PPP1R16A: variants seen among roughly 807,000 people sequenced by gnomAD.
The protein encoded by PPP1R16A is myosin phosphatase-targeting subunit 3.
Under a neutral mutation model 46.6 loss-of-function variants are expected in PPP1R16A, and 39 were observed. The ratio of observed to expected loss-of-function variants is 0.84; its 90% CI spans 0.65 to 1.09. PPP1R16A has a LOEUF of 1.09. Among genes scored for constraint, PPP1R16A ranks in the 50% least tolerant of loss-of-function variants. The probability of loss-of-function intolerance (pLI) is 0.00; values close to 1 mark genes in which losing one functional copy is unlikely to be tolerated. For synonymous variants in PPP1R16A, 413 were observed against 321.5 expected, an observed-to-expected ratio of 1.28 and a Z score of -3.04; for missense variants, 798 against 735.6, an observed-to-expected ratio of 1.08 and a Z score of -0.98.
At chr8:144,489,503 C>T (rs1281300373) in intron 1 of PPP1R16A, among the ~76,000 whole-genome samples, 2 of 152,090 alleles carry the variant, frequency 1.3e-5, no homozygotes, top group East Asian at 1.9e-4. Context: ...CACCACTTCC[C>T]CTAAACTGCT....
chr8:144,490,462 T>C (rs1271621304), intron 2 of PPP1R16A, among the ~76,000 whole-genome samples: 3 of 151,304 alleles, frequency 2.0e-5, no homozygotes, highest in Non-Finnish European at 4.4e-5. Flanking sequence ...GCCAAGATCA[T>C]GCCACTGCAC....
chr8:144,501,509 A>ACTGCCCGCAGGAGGACAACC lies in PPP1R16A; in HGVS notation c.1204-9_1214dup. On this transcript the variant is annotated splice_polypyrimidine_tract_variant and intron_variant, in intron 11 of 11. Transcript: ENST00000435887. Reference sequence around the variant, plus strand: ...GCCTCCTGATGGCTCTGGGACCTTCACTGCCCGCAGGAGGACAACCCCGAA... The same window carrying ACTGCCCGCAGGAGGACAACC: ...GCCTCCTGATGGCTCTGGGACCTTCACTGCCCGCAGGAGGACAACCCTGCCCGCAGGAGGACAACCCCGAA... The ACTGCCCGCAGGAGGACAACC allele has an allele frequency of 6.5e-7, 1 of 1,531,068 alleles. No individual in the cohort carries two copies. Among genetic ancestry groups the ACTGCCCGCAGGAGGACAACC allele is most frequent in the Non-Finnish European group, 8.8e-7 (1 of 1,137,196 alleles). The allele number at this position is 1,531,068 out of a possible 1,614,324, so 94.8% of individuals were successfully genotyped here. A position where few individuals can be genotyped will look rare whatever the true frequency, so the allele number is the denominator to read the frequency against.
chr8:144,497,941 T>C (rs1313643552), intron 3 of PPP1R16A: 1 of 421,820 alleles, frequency 2.4e-6, no homozygotes, highest in Admixed American at 2.5e-5. Flanking sequence ...TCTCAGTGCC[T>C]GCCCTAGGCT....
intron 1 of PPP1R16A, among the ~76,000 whole-genome samples, chr8:144,487,260 G>A (rs952279396): frequency 8.5e-5 from 13 of 152,266 alleles, no homozygotes; most frequent in East Asian, 1.9e-4. Flanking sequence ...GATTACAGGC[G>A]TAAGTCACTG....
chr8:144,495,355 A>G (rs370942990), intron 2 of PPP1R16A: 24 of 152,250 alleles, frequency 1.6e-4, no homozygotes, highest in African/African-American at 4.1e-4. Flanking sequence ...CAGTGTGTAG[A>G]TGGCCATGAG....
chr8:144,484,919 A>G (rs1410845264), intron 1 of PPP1R16A, among the ~76,000 whole-genome samples: 1 of 152,210 alleles, frequency 6.6e-6, no homozygotes. Flanking sequence ...TTTCAATTTC[A>G]TATGGTTCTG....
chr8:144,480,852 G>C (rs1415556073), intron 1 of PPP1R16A, among the ~76,000 whole-genome samples: 1 of 151,736 alleles, frequency 6.6e-6, no homozygotes, highest in Non-Finnish European at 1.5e-5. Context: ...TATTTTAATG[G>C]GTTTTGTGTG....
rs1163348878 is a variant in PPP1R16A at position 144,497,313 on chromosome 8, C to T, written c.119C>T (p.Ala40Val). The change falls in exon 3 of 12, where the codon GCT becomes GTT. Residue 40 changes from alanine (A) to valine (V), a missense_variant. Coordinates refer to ENST00000435887, the MANE Select transcript of PPP1R16A (RefSeq NM_001329443.2). ...CAGCAGGTGAAGATGTGGGCCCAGG[C>T]TGAGAAGGAGGCCCAGGGCAAGAAG... ...RAQQVKMWAQ[A>V]EKEAQGKKGP... is the part of the protein sequence containing the mutation. 1 of 1,612,430 alleles carries T rather than the reference C, an allele frequency of 6.2e-7. No homozygotes were observed. Among genetic ancestry groups the T allele is most frequent in the Non-Finnish European group, 8.5e-7 (1 of 1,179,820 alleles).
At chr8:144,498,747 C>T in intron 3 of PPP1R16A, 23 bp from the exon 4 acceptor site, 1 of 1,561,072 alleles carries the variant, frequency 6.4e-7, no homozygotes, top group Non-Finnish European at 8.7e-7. Context: ...GGACCCTGTC[C>T]TCACCTCGCC....
intron 1 of PPP1R16A, among the ~76,000 whole-genome samples, chr8:144,488,426 G>T (rs1253729964): frequency 1.3e-5 from 2 of 152,152 alleles, no homozygotes; most frequent in African/African-American, 4.8e-5. Flanking sequence ...CAAGGTGAGG[G>T]CATGGCAGCG....
rs1248966675 is a variant in PPP1R16A at position 144,501,921 on chromosome 8, C to T, written c.*18C>T. 4.0e-6 allele frequency: 6 copies of T among 1,501,914 alleles called. No homozygotes were observed. The highest frequency in any genetic ancestry group is 5.3e-6 in the Non-Finnish European group (6 of 1,126,134). The allele number at this position is 1,501,914 out of a possible 1,614,324, so 93.0% of individuals were successfully genotyped here. ...TCATGTGAGGCTGTTGCTCAGCATG[C>T]AGGGGCCCTGTCGCGGGCACAGCCC... On this transcript the variant is annotated 3_prime_UTR_variant, in exon 12 of 12. Transcript: ENST00000435887.
At chr8:144,497,927 C>T in intron 3 of PPP1R16A, 1 of 409,542 alleles carries the variant, frequency 2.4e-6, no homozygotes, top group Non-Finnish European at 5.0e-6. Context: ...TGCAGGTGGC[C>T]CCCTCTCAGT....
intron 1 of PPP1R16A, chr8:144,478,333 G>GC (rs1273362651): frequency 2.7e-6 from 1 of 375,572 alleles, no homozygotes; most frequent in Non-Finnish European, 4.7e-6. Context: ...GAGGAGGCTG[G>GC]CGACGGAGGA....
At chr8:144,499,976 C>A in intron 5 of PPP1R16A, 120 bp from the exon 6 acceptor site, 1 of 963,870 alleles carries the variant, frequency 1.0e-6, no homozygotes. Context: ...AGCAGGTGGA[C>A]AGGGTGCCTC....
At chr8:144,488,855 G>A (rs113664301) in intron 1 of PPP1R16A, among the ~76,000 whole-genome samples, 3,713 of 151,780 alleles carry the variant, frequency 0.024, 145 homozygotes, top group African/African-American at 0.086. Context: ...GTGTCGCTGG[G>A]GACAGAGCCC....
rs188737089 is a variant in PPP1R16A, at chr8:144,491,294, C to T, written c.-735+1082C>T. ...CTAGGTATTTTCCCATTTTTTGCTCCGTATCTCATAGATATTGCTACAAAT... is the reference window on the plus strand; with the variant it reads ...CTAGGTATTTTCCCATTTTTTGCTCTGTATCTCATAGATATTGCTACAAAT... On this transcript the variant is annotated intron_variant, in intron 2 of 11. Transcript: ENST00000435887. Among the ~76,000 whole-genome samples the T allele has an allele frequency of 3.9e-3, 592 of 152,002 alleles. 1 individual carries two copies. The highest frequency in any genetic ancestry group is 6.6e-3 in the Non-Finnish European group (450 of 67,972).
chr8:144,491,616 A>G (rs1009375993), intron 2 of PPP1R16A, among the ~76,000 whole-genome samples: 19 of 152,082 alleles, frequency 1.2e-4, no homozygotes, highest in African/African-American at 3.9e-4. Flanking sequence ...ACAAAAAATT[A>G]GCTGGGTGTG....
chr8:144,498,431 G>T, intron 3 of PPP1R16A: 1 of 368,788 alleles, frequency 2.7e-6, no homozygotes, highest in Non-Finnish European at 5.1e-6. Flanking sequence ...AAGGAGCTGT[G>T]GTAGCCTCCA....
chr8:144,491,533 A>T (rs1481734144), intron 2 of PPP1R16A, among the ~76,000 whole-genome samples: 3 of 152,102 alleles, frequency 2.0e-5, no homozygotes, highest in East Asian at 3.9e-4. Flanking sequence ...GGAGGCTGAC[A>T]TGAGCAGATC....
Sources: gnomAD v4.1 joint callset for allele counts (sites outside exome capture counted in the v4.1 genomes callset) on GRCh38, gnomAD v4.1.1 for gene constraint, MANE v1.5 for transcripts, NCBI Gene and HGNC (gene_info 2026-07-23, HGNC 2026-07-21) for gene names.